Variants in PRKCH observed in about 807,000 individuals in gnomAD.
PRKCH encodes protein kinase C eta.
PRKCH carries 28 observed loss-of-function variants against 82.5 expected under a neutral mutation model. The ratio of observed to expected loss-of-function variants is 0.34; its 90% CI spans 0.25 to 0.47. The LOEUF (loss-of-function observed/expected upper bound fraction) is 0.47, where lower values mean the gene tolerates loss of function less well. PRKCH is among the 20% of genes least tolerant of loss of function. PRKCH has a pLI of 1.00. For missense variants in PRKCH, 705 were observed against 881.8 expected (o/e 0.80, Z 2.54); for synonymous variants, 322 against 327.4 (o/e 0.98, Z 0.18).
At chr14:61,188,941 A>C (rs1363764863) in intron 1 of PRKCH, among the ~76,000 whole-genome samples, 2 of 152,024 alleles carry the variant, frequency 1.3e-5, no homozygotes, top group African/African-American at 4.8e-5. Context: ...GCTGGTCTCG[A>C]ACTACTGACC....
Position 61,455,915 on chromosome 14 carries a change from T to G in PRKCH, c.961-1261T>G, listed in dbSNP as rs143251201. Among the ~76,000 whole-genome samples, 709 of 152,278 alleles carry G rather than the reference T, an allele frequency of 4.7e-3. 6 individuals carry two copies. The highest frequency in any genetic ancestry group is 0.016 in the African/African-American group (680 of 41,552). Reference sequence around the variant, plus strand: ...GGCAGGCACACTTACCTTCCATTCATTGTGTTGAAACTAGAACTCTCATCA... The same window carrying G: ...GGCAGGCACACTTACCTTCCATTCAGTGTGTTGAAACTAGAACTCTCATCA... On this transcript the variant is annotated intron_variant, in intron 7 of 13. Coordinates refer to ENST00000332981, the MANE Select transcript of PRKCH (RefSeq NM_006255.5).
At chr14:61,492,737 G>A (rs538729523) in intron 10 of PRKCH, among the ~76,000 whole-genome samples, 1 of 152,288 alleles carries the variant, frequency 6.6e-6, no homozygotes, top group South Asian at 2.1e-4. Flanking sequence ...TGCCCTTTGA[G>A]GCGCTTTCTG....
chr14:61,298,121 A>T (rs548228033), intron 1 of PRKCH: 19 of 152,382 alleles, frequency 1.2e-4, no homozygotes, highest in African/African-American at 4.6e-4. Flanking sequence ...CTTCTCTCCT[A>T]CTGTACAACC....
At chr14:61,194,216 A>G (rs1423343815) in intron 1 of PRKCH, among the ~76,000 whole-genome samples, 3 of 152,260 alleles carry the variant, frequency 2.0e-5, no homozygotes, top group Non-Finnish European at 4.4e-5. Context: ...GTCTACTATA[A>G]ATTAGTACCA....
At chr14:61,412,333 A>C (rs1882309837) in intron 2 of PRKCH, among the ~76,000 whole-genome samples, 1 of 152,236 alleles carries the variant, frequency 6.6e-6, no homozygotes, top group African/African-American at 2.4e-5. Flanking sequence ...AGACAAGTAG[A>C]AAAGTGAAAA....
intron 9 of PRKCH, among the ~76,000 whole-genome samples, chr14:61,464,122 T>C (rs1266904307): frequency 6.6e-6 from 1 of 152,230 alleles, no homozygotes; most frequent in East Asian, 1.9e-4. Context: ...AGTTCTATTT[T>C]AATTTTTTGA....
intron 1 of PRKCH, among the ~76,000 whole-genome samples, chr14:61,289,368 A>T (rs781065288): frequency 6.6e-6 from 1 of 152,228 alleles, no homozygotes; most frequent in African/African-American, 2.4e-5. Flanking sequence ...TTTATTCTGT[A>T]TTACTCCAGA....
intron 1 of PRKCH, among the ~76,000 whole-genome samples, chr14:61,294,493 G>A (rs1480552877): frequency 2.0e-5 from 3 of 151,764 alleles, no homozygotes; most frequent in African/African-American, 7.3e-5. Flanking sequence ...TATTATTTAT[G>A]TTCTGATTCT....
chr14:61,453,364 G>T lies in PRKCH; in HGVS notation c.960+11G>T, dbSNP rs775325164. On this transcript the variant is annotated intron_variant, in intron 7 of 13. Coordinates refer to ENST00000332981, the MANE Select transcript of PRKCH (RefSeq NM_006255.5). The stretch of plus-strand genomic sequence containing the variant: ...ATTTCTCCAACCTCGGTGAGACTTT[G>T]CTTTTTTTCCATGTCTCGTAATTTA... 9 of 1,609,698 alleles carry T rather than the reference G, an allele frequency of 5.6e-6. No individual in the cohort carries two copies. In the South Asian group the frequency reaches 9.9e-5, roughly 18 times the overall value.
intron 1 of PRKCH, among the ~76,000 whole-genome samples, chr14:61,282,150 C>T (rs1364219928): frequency 1.3e-5 from 2 of 151,942 alleles, no homozygotes; most frequent in African/African-American, 4.8e-5. Context: ...TCCCAGGAGA[C>T]CTAGCTGCTA....
intron 1 of PRKCH, among the ~76,000 whole-genome samples, chr14:61,240,003 A>C (rs1194059525): frequency 6.6e-6 from 1 of 152,166 alleles, no homozygotes; most frequent in Non-Finnish European, 1.5e-5. Flanking sequence ...CATCCAGCAA[A>C]CCAACTGTCC....
intron 1 of PRKCH, among the ~76,000 whole-genome samples, chr14:61,342,879 C>T (rs1166297827): frequency 6.6e-6 from 1 of 152,186 alleles, no homozygotes; most frequent in East Asian, 1.9e-4. Flanking sequence ...TTTCTCTCTA[C>T]CGGCTAACAT....
intron 9 of PRKCH, among the ~76,000 whole-genome samples, chr14:61,461,954 G>T (rs1281951967): frequency 6.6e-6 from 1 of 152,208 alleles, no homozygotes; most frequent in Non-Finnish European, 1.5e-5. Flanking sequence ...AGTCATTACC[G>T]CAAAGTTACT....
intron 9 of PRKCH, among the ~76,000 whole-genome samples, chr14:61,475,471 C>G (rs1260883163): frequency 6.6e-6 from 1 of 152,192 alleles, no homozygotes. Context: ...ATTGACCAAT[C>G]AATTAAAACA....
At chr14:61,512,124 C>A (rs1386151111) in intron 10 of PRKCH, among the ~76,000 whole-genome samples, 1 of 151,798 alleles carries the variant, frequency 6.6e-6, no homozygotes, top group African/African-American at 2.4e-5. Context: ...GTGGTGCTTT[C>A]TTGTGTTCTA....
At chr14:61,392,187 T>C (rs1333094146) in intron 2 of PRKCH, among the ~76,000 whole-genome samples, 2 of 152,184 alleles carry the variant, frequency 1.3e-5, no homozygotes, top group Non-Finnish European at 2.9e-5. Flanking sequence ...GTTTTTCCTA[T>C]TGTTGTCTAT....
In PRKCH at chr14:61,486,644, TTTTC is replaced by T. The variant is rs1022356904; in HGVS notation, c.1433+992_1433+995del. On this transcript the variant is annotated intron_variant, in intron 10 of 13. Coordinates refer to ENST00000332981, the MANE Select transcript of PRKCH (RefSeq NM_006255.5). ...CTCACCTAATTGCACATATGCTCTTTTTTCTTTTTTATTGTTTTATTTCTTTTCT... is the reference window on the plus strand; with the variant it reads ...CTCACCTAATTGCACATATGCTCTTTTTTTTTATTGTTTTATTTCTTTTCT... Among the ~76,000 whole-genome samples the T allele has an allele frequency of 8.9e-4, 136 of 152,154 alleles. 1 individual carries two copies. Among genetic ancestry groups the T allele is most frequent in the African/African-American group, 3.1e-3 (129 of 41,520 alleles).
rs780039423 is a variant in PRKCH at position 61,452,201 on chromosome 14, C to G, written c.833-1025C>G. ...TGGTTTTGAAAGGCTTCTGTAGGCTCGTGTGTCTTACACCTGTCTTCCTGA... is the reference window on the plus strand; with the variant it reads ...TGGTTTTGAAAGGCTTCTGTAGGCTGGTGTGTCTTACACCTGTCTTCCTGA... On this transcript the variant is annotated intron_variant, in intron 6 of 13. Coordinates refer to ENST00000332981, the MANE Select transcript of PRKCH (RefSeq NM_006255.5). 2.6e-5 allele frequency among the ~76,000 whole-genome samples: 4 copies of G among 152,108 alleles called. No individual in the cohort carries two copies. The South Asian group carries it at 8.3e-4, about 32-fold the overall frequency.
chr14:61,192,155 A>G (rs1222619380), intron 1 of PRKCH, among the ~76,000 whole-genome samples: 1 of 152,164 alleles, frequency 6.6e-6, no homozygotes, highest in East Asian at 1.9e-4. Context: ...TGATACAGGT[A>G]CATATTATTC....
Sources: allele counts gnomAD v4.1 joint callset (sites outside exome capture counted in the v4.1 genomes callset), GRCh38; gene constraint gnomAD v4.1.1; transcripts MANE v1.5; gene names NCBI Gene and HGNC (gene_info 2026-07-23, HGNC 2026-07-21).